The following GCN1 variants were observed in gnomAD, a reference collection of about 807,000 sequenced individuals.
GCN1 encodes GCN1 activator of EIF2AK4.
Under a neutral mutation model 288.4 loss-of-function variants are expected in GCN1, and 90 were observed. The ratio of observed to expected loss-of-function variants is 0.31; its 90% CI spans 0.26 to 0.37. GCN1 has a LOEUF of 0.37. Ranked by LOEUF, GCN1 falls within the 10% of genes least tolerant of loss-of-function variation. The probability of loss-of-function intolerance (pLI) is 1.00; values close to 1 mark genes in which losing one functional copy is unlikely to be tolerated. For missense variants in GCN1, 2,586 were observed against 3,419.9 expected, an observed-to-expected ratio of 0.76 and a Z score of 6.08; for synonymous variants, 1,386 against 1,420.2, an observed-to-expected ratio of 0.98 and a Z score of 0.54.
intron 17 of GCN1, 61 bp downstream of exon 17, chr12:120,164,585 G>A (rs932410183): frequency 2.1e-5 from 33 of 1,596,500 alleles, no homozygotes; most frequent in African/African-American, 2.7e-5. Flanking sequence ...ACCCTTTCTC[G>A]GGTTCCTGCC....
intron 16 of GCN1, among the ~76,000 whole-genome samples, chr12:120,167,225 TG>T (rs1009478211): frequency 1.3e-4 from 19 of 150,566 alleles, no homozygotes; most frequent in African/African-American, 4.4e-4. Flanking sequence ...TAGTGGCACA[TG>T]CCTGTAATCC....
At chr12:120,150,318 C>T (rs1379311981) in intron 34 of GCN1, among the ~76,000 whole-genome samples, 6 of 152,116 alleles carry the variant, frequency 3.9e-5, no homozygotes, top group Admixed American at 2.0e-4. Flanking sequence ...AAACCTTGGC[C>T]GGGCGCGGTG....
At position 120,144,698 on chromosome 12, in the gene GCN1, T is replaced by C. The variant is rs1213745371; in HGVS notation, c.5293A>G (p.Ile1765Val). The C allele has an allele frequency of 6.2e-7, 1 of 1,614,142 alleles. No homozygotes were observed. The highest frequency in any genetic ancestry group is 1.7e-5 in the Admixed American group (1 of 60,034). Residue 1765 changes from isoleucine to valine, a missense_variant, in exon 41 of 58, where the codon ATC becomes GTC. Transcript: ENST00000300648. The surrounding 1 kb of genome is among the most constrained non-coding windows in gnomAD (Gnocchi z 4.7). Reference protein sequence around the residue: ...GYIMMFNYLPITFGDKFTPYV... With the variant: ...GYIMMFNYLPVTFGDKFTPYV... The stretch of plus-strand genomic sequence containing the variant: ...GGAGTAAACTTGTCTCCAAAGGTGA[T>C]GGGCAGGTAGTTAAACATCATAATG...
chr12:120,156,762 C>T lies in GCN1; in HGVS notation c.3168+150G>A. On this transcript the variant is annotated intron_variant, in intron 27 of 57. Coordinates refer to ENST00000300648, the MANE Select transcript of GCN1 (RefSeq NM_006836.2). This position sits in a 1 kb window ranked among gnomAD's most constrained non-coding sequence, Gnocchi z 5.8. ...CCAAGCAAAACCCCTCACTAGCTAA[C>T]AACAGTCAGGCTGGCTCTCTAAAGC... The T allele has an allele frequency of 2.3e-6, 2 of 886,892 alleles. No homozygotes were observed. Among genetic ancestry groups the T allele is most frequent in the Non-Finnish European group, 3.6e-6 (2 of 553,800 alleles). 54.9% of individuals were successfully genotyped at this position (886,892 alleles called of 1,614,324 possible). A position where few individuals can be genotyped will look rare whatever the true frequency, so the allele number is the denominator to read the frequency against.
rs1452609896 is a variant in GCN1 at position 120,156,653 on chromosome 12, T to C, written c.3169-49A>G. On this transcript the variant is annotated intron_variant, in intron 27 of 57. Coordinates refer to ENST00000300648, the MANE Select transcript of GCN1 (RefSeq NM_006836.2). This position sits in a 1 kb window ranked among gnomAD's most constrained non-coding sequence, Gnocchi z 5.8. ...GTTCAGTCAGCAACTCATTTACTACTAGGGGGCCAGAGAGGGATATGCACT... is the reference window on the plus strand; with the variant it reads ...GTTCAGTCAGCAACTCATTTACTACCAGGGGGCCAGAGAGGGATATGCACT... The C allele has an allele frequency of 1.3e-6, 2 of 1,595,542 alleles. No individual in the cohort carries two copies. The highest frequency in any genetic ancestry group is 1.7e-6 in the Non-Finnish European group (2 of 1,165,170).
chr12:120,183,461 G>A (rs765196128), intron 5 of GCN1, 108 bp downstream of exon 5: 10 of 741,284 alleles, frequency 1.3e-5, no homozygotes, highest in Non-Finnish European at 2.2e-5. Context: ...CAGAGTGTCT[G>A]GTCACCCAGC....
In GCN1 at chr12:120,149,586, G is replaced by A. The variant is rs1877472965; in HGVS notation, c.4546+20C>T. ...TTCATAACAGGAAGCTGGGAAGAGAGGCAGAGCGAGTGGTCTTACCAGCTT... is the reference window on the plus strand; with the variant it reads ...TTCATAACAGGAAGCTGGGAAGAGAAGCAGAGCGAGTGGTCTTACCAGCTT... On this transcript the variant is annotated intron_variant, in intron 36 of 57. Transcript: ENST00000300648. 3.9e-6 allele frequency: 6 copies of A among 1,529,110 alleles called. No homozygotes were observed. Among genetic ancestry groups the A allele is most frequent in the African/African-American group, 2.7e-5 (2 of 73,270 alleles). 94.7% of individuals were successfully genotyped at this position (1,529,110 alleles called of 1,614,324 possible).
chr12:120,163,786 A>T (rs556831059), intron 18 of GCN1, among the ~76,000 whole-genome samples: 1 of 152,392 alleles, frequency 6.6e-6, no homozygotes, highest in Admixed American at 6.5e-5. Context: ...ATGCTTTAAA[A>T]AGTACAAAGT....
In GCN1 at chr12:120,168,070, C is replaced by T. The variant is rs75399516; in HGVS notation, c.1612+138G>A. 5,549 of 667,484 alleles carry T rather than the reference C, an allele frequency of 8.3e-3. 224 individuals are homozygous for T. In the African/African-American group the frequency reaches 0.086, roughly 10 times the overall value. The allele number at this position is 667,484 out of a possible 1,614,324, so 41.3% of individuals were successfully genotyped here. A position where few individuals can be genotyped will look rare whatever the true frequency, so the allele number is the denominator to read the frequency against. On this transcript the variant is annotated intron_variant, in intron 16 of 57. Coordinates refer to ENST00000300648, the MANE Select transcript of GCN1 (RefSeq NM_006836.2). ...TACAGGAATGAATTTATTCCCACAA[C>T]AGCTAAGCTGTTGGCCAGATCACTC...
chr12:120,188,563 CATA>C (rs1262170551), intron 2 of GCN1, among the ~76,000 whole-genome samples: 1 of 151,486 alleles, frequency 6.6e-6, no homozygotes, highest in Non-Finnish European at 1.5e-5. Context: ...TATCCCAAGT[CATA>C]AAAAAAATGT....
At position 120,181,146 on chromosome 12, in the gene GCN1, G is replaced by C. The variant is rs1432169473; in HGVS notation, c.427-2196C>G. ...ACAATAAAAAACCGTAAGCAACAGA[G>C]GACTCCCTATATATAGCATAGTATA... is the stretch of plus-strand genomic sequence containing the variant. On this transcript the variant is annotated intron_variant, in intron 5 of 57. Transcript: ENST00000300648. Among the ~76,000 whole-genome samples, 8 of 152,146 alleles carry C rather than the reference G, an allele frequency of 5.3e-5. No individual in the cohort carries two copies. In the East Asian group the frequency reaches 1.5e-3, roughly 29 times the overall value.
At chr12:120,176,013 T>C (rs16949982) in intron 10 of GCN1, 130 bp downstream of exon 10, 64 of 1,304,092 alleles carry the variant, frequency 4.9e-5, no homozygotes, top group Non-Finnish European at 6.8e-5. Flanking sequence ...AAACTGCCAA[T>C]GCCAATGTAG....
rs758686332 is a variant in GCN1 at position 120,142,785 on chromosome 12, C to T, written c.5613+39G>A. ...TCTATGGCATGGGCATCAGGGCACA[C>T]CCTACCATCAGCAGGGGCAGGAAAG... is the stretch of plus-strand genomic sequence containing the variant. On this transcript the variant is annotated intron_variant, in intron 43 of 57. Transcript: ENST00000300648. The surrounding 1 kb of genome is among the most constrained non-coding windows in gnomAD (Gnocchi z 4.9). 6.3e-7 allele frequency: 1 copy of T among 1,598,282 alleles called. No homozygotes were observed. Among genetic ancestry groups the T allele is most frequent in the Admixed American group, 1.7e-5 (1 of 59,996 alleles).
At position 120,162,065 on chromosome 12, in the gene GCN1, GA is replaced by G; in HGVS notation, c.2164-8del. 6.2e-7 allele frequency: 1 copy of G among 1,610,626 alleles called. No homozygotes were observed. Among genetic ancestry groups the G allele is most frequent in the Non-Finnish European group, 8.5e-7 (1 of 1,179,542 alleles). On this transcript the variant is annotated splice_region_variant and splice_polypyrimidine_tract_variant and intron_variant, in intron 20 of 57. Coordinates refer to ENST00000300648, the MANE Select transcript of GCN1 (RefSeq NM_006836.2). ...CCATGGCATTCATGGAGGACTGCCA[GA>G]CAAACGCAGACATGGTCAGTGTGTG...
In GCN1 at chr12:120,144,157, A is replaced by G. The variant is rs1162243661; in HGVS notation, c.5495+149T>C. 4 of 786,442 alleles carry G rather than the reference A, an allele frequency of 5.1e-6. No homozygotes were observed. Among genetic ancestry groups the G allele is most frequent in the African/African-American group, 3.5e-5 (2 of 56,612 alleles). The allele number at this position is 786,442 out of a possible 1,614,324, so 48.7% of individuals were successfully genotyped here. On this transcript the variant is annotated intron_variant, in intron 42 of 57. Transcript: ENST00000300648. The surrounding 1 kb of genome is among the most constrained non-coding windows in gnomAD (Gnocchi z 4.7). ...ATTCCCAGCTAATTTTTTATTTTTT[A>G]TAGAGACAGGGTCTCACTATGTTGC...
At chr12:120,129,576 T>C (rs576784025) in intron 56 of GCN1, 82 bp from the exon 57 acceptor site, 21 of 1,011,686 alleles carry the variant, frequency 2.1e-5, no homozygotes, top group African/African-American at 1.9e-4. Flanking sequence ...GCCTCGACAC[T>C]CTCCCTACAG....
At chr12:120,188,284 A>G (rs1878884956) in intron 2 of GCN1, among the ~76,000 whole-genome samples, 1 of 152,040 alleles carries the variant, frequency 6.6e-6, no homozygotes, top group Admixed American at 6.6e-5. Flanking sequence ...AAATACAAAT[A>G]TTAGCTGGGC....
At chr12:120,177,856 T>C (rs1393218089) in intron 7 of GCN1, 104 bp from the exon 8 acceptor site, 6 of 834,052 alleles carry the variant, frequency 7.2e-6, no homozygotes, top group South Asian at 4.1e-5. Flanking sequence ...TACAAATCAA[T>C]GCCCCAAATT....
At position 120,137,837 on chromosome 12, in the gene GCN1, G is replaced by A; in HGVS notation, c.6394-23C>T. ...CTCCTGCAAACCACAAGGGACATGT[G>A]TGCTGAGCAGGGATCCTCCGGGCAG... On this transcript the variant is annotated intron_variant, in intron 48 of 57. Transcript: ENST00000300648. The surrounding 1 kb of genome is among the most constrained non-coding windows in gnomAD (Gnocchi z 5.2). 6.2e-7 allele frequency: 1 copy of A among 1,612,912 alleles called. No individual in the cohort carries two copies. Among genetic ancestry groups the A allele is most frequent in the Non-Finnish European group, 8.5e-7 (1 of 1,178,956 alleles).
Sources: gnomAD v4.1 joint callset for allele counts (sites outside exome capture counted in the v4.1 genomes callset) on GRCh38, gnomAD v4.1.1 for gene constraint, Gnocchi (gnomAD v3.1) non-coding constraint, MANE v1.5 for transcripts, NCBI Gene and HGNC (gene_info 2026-07-23, HGNC 2026-07-21) for gene names.